The following ITFG1 variants were observed in gnomAD, a reference collection of about 807,000 sequenced individuals.
ITFG1 encodes integrin alpha FG-GAP repeat containing 1, also known as T-cell immunomodulatory protein.
ITFG1 carries 34 observed loss-of-function variants against 81.8 expected under a neutral mutation model. The observed-to-expected ratio is 0.42, with a 90% CI of 0.32 to 0.55. The LOEUF (loss-of-function observed/expected upper bound fraction) is 0.55, where lower values mean the gene tolerates loss of function less well. Ranked by LOEUF, ITFG1 falls within the 20% of genes least tolerant of loss-of-function variation. The probability of loss-of-function intolerance (pLI) is 0.17; values close to 1 mark genes in which losing one functional copy is unlikely to be tolerated. For missense variants in ITFG1, 672 were observed against 755.4 expected (o/e 0.89, Z 1.29); for synonymous variants, 285 against 270.6 (o/e 1.05, Z -0.52).
chr16:47,374,775 A>G (rs1018910297), intron 7 of ITFG1, among the ~76,000 whole-genome samples: 1 of 151,786 alleles, frequency 6.6e-6, no homozygotes, highest in Non-Finnish European at 1.5e-5. Context: ...TAAAAAAACA[A>G]AAAAAAAGAA....
chr16:47,269,486 T>TAA (rs76159288), intron 10 of ITFG1, among the ~76,000 whole-genome samples: 1,589 of 101,040 alleles, frequency 0.016, 55 homozygotes, highest in African/African-American at 0.059. Context: ...CTGTCTCTAT[T>TAA]AAAAAAAAAA....
In ITFG1 at chr16:47,193,049, C is replaced by T. The variant is rs374325041; in HGVS notation, c.1453+25819G>A. Among the ~76,000 whole-genome samples, 10 of 152,158 alleles carry T rather than the reference C, an allele frequency of 6.6e-5. No individual in the cohort carries two copies. The East Asian group carries it at 1.2e-3, about 18-fold the overall frequency. On this transcript the variant is annotated intron_variant, in intron 14 of 17. Coordinates refer to ENST00000320640, the MANE Select transcript of ITFG1 (RefSeq NM_030790.5). ...GGGGCAGTGGTCTGTCCCGTGTCTT[C>T]ATTCTTTGATGGATCTAAGAAGAGC...
chr16:47,300,420 A>G (rs895176066), intron 10 of ITFG1, among the ~76,000 whole-genome samples: 6 of 152,218 alleles, frequency 3.9e-5, no homozygotes. Flanking sequence ...AATGGCTGAG[A>G]GAAGGTCCAG....
At chr16:47,182,005 C>T (rs1265506086) in intron 14 of ITFG1, among the ~76,000 whole-genome samples, 1 of 152,006 alleles carries the variant, frequency 6.6e-6, no homozygotes, top group Non-Finnish European at 1.5e-5. Context: ...AGAGTCATCA[C>T]CACTCCCTAA....
intron 6 of ITFG1, among the ~76,000 whole-genome samples, chr16:47,396,461 T>C (rs1450581665): frequency 1.3e-5 from 2 of 151,236 alleles, no homozygotes; most frequent in Non-Finnish European, 2.9e-5. Context: ...AAGAACACAA[T>C]GAGGACTTGA....
At chr16:47,337,846 A>G (rs531019058) in intron 8 of ITFG1, among the ~76,000 whole-genome samples, 7 of 152,362 alleles carry the variant, frequency 4.6e-5, no homozygotes, top group African/African-American at 1.7e-4. Flanking sequence ...GAGTTTTCAC[A>G]TGGGCTGTTC....
chr16:47,436,545 G>GCT (rs1267225972), intron 5 of ITFG1, among the ~76,000 whole-genome samples: 1 of 152,080 alleles, frequency 6.6e-6, no homozygotes, highest in African/African-American at 2.4e-5. Context: ...ATGCATTCTT[G>GCT]CTAGAATGAG....
chr16:47,370,786 G>A (rs1340576077), intron 7 of ITFG1, among the ~76,000 whole-genome samples: 3 of 152,226 alleles, frequency 2.0e-5, no homozygotes, highest in African/African-American at 7.2e-5. Flanking sequence ...CTGCCGGGTC[G>A]AGAGGGCAGT....
rs377378072 is a variant in ITFG1 at position 47,316,547 on chromosome 16, C to T, written c.803-2724G>A. Among the ~76,000 whole-genome samples the T allele has an allele frequency of 2.8e-4, 42 of 152,312 alleles. 1 individual carries two copies. The East Asian group carries it at 6.9e-3, about 25-fold the overall frequency. ...ACAATGCATTTATCCAATGTGCTAT[C>T]TATATTTCAGTTTTGTCCACTGACC... On this transcript the variant is annotated intron_variant, in intron 8 of 17. Transcript: ENST00000320640.
At chr16:47,407,531 G>T (rs933411673) in intron 6 of ITFG1, among the ~76,000 whole-genome samples, 2 of 152,114 alleles carry the variant, frequency 1.3e-5, no homozygotes, top group African/African-American at 4.8e-5. Flanking sequence ...ATTTTTAGTA[G>T]AAATAGGGTT....
At chr16:47,283,011 T>C (rs551877378) in intron 10 of ITFG1, among the ~76,000 whole-genome samples, 195 of 152,256 alleles carry the variant, frequency 1.3e-3, no homozygotes, top group Non-Finnish European at 2.4e-3. Flanking sequence ...TTTGCAAATA[T>C]TTTCTCCCAT....
At chr16:47,354,132 A>G (rs1968006167) in intron 8 of ITFG1, among the ~76,000 whole-genome samples, 1 of 152,190 alleles carries the variant, frequency 6.6e-6, no homozygotes, top group Non-Finnish European at 1.5e-5. Flanking sequence ...GGGGGGCACC[A>G]TAATACCTTA....
At chr16:47,216,443 C>T (rs7189410) in intron 14 of ITFG1, among the ~76,000 whole-genome samples, 6,566 of 152,182 alleles carry the variant, frequency 0.043, 202 homozygotes, top group Middle Eastern at 0.092. Flanking sequence ...TCAGGTGATC[C>T]GCCCACCTTG....
chr16:47,367,931 T>C (rs1567476382), intron 7 of ITFG1, among the ~76,000 whole-genome samples: 1 of 152,184 alleles, frequency 6.6e-6, no homozygotes, highest in African/African-American at 2.4e-5. Context: ...CAAGTGCTTT[T>C]TCATTTTAGA....
chr16:47,356,211 G>A (rs541262391), intron 8 of ITFG1, among the ~76,000 whole-genome samples: 3 of 152,208 alleles, frequency 2.0e-5, no homozygotes, highest in African/African-American at 4.8e-5. Context: ...GTTCACCTCA[G>A]AAAGGTTTGG....
chr16:47,355,721 C>T (rs956510833), intron 8 of ITFG1, among the ~76,000 whole-genome samples: 5 of 152,020 alleles, frequency 3.3e-5, no homozygotes, highest in Non-Finnish European at 5.9e-5. Flanking sequence ...TTGTTTTATT[C>T]CAACAGAAAT....
At chr16:47,341,405 AAAAAAAAAAAAG>A (rs964799383) in intron 8 of ITFG1, among the ~76,000 whole-genome samples, 5 of 149,022 alleles carry the variant, frequency 3.4e-5, no homozygotes, top group Admixed American at 6.7e-5. Context: ...CCACTGAAAA[AAAAAAAAAAAAG>A]AAAAAAAAAA....
intron 14 of ITFG1, among the ~76,000 whole-genome samples, chr16:47,185,961 A>G (rs931424622): frequency 1.3e-5 from 2 of 152,266 alleles, no homozygotes; most frequent in Non-Finnish European, 2.9e-5. Context: ...ACAAACTACC[A>G]TCAGAGAATA....
chr16:47,219,322 A>C (rs969502285), intron 13 of ITFG1, among the ~76,000 whole-genome samples: 2 of 152,166 alleles, frequency 1.3e-5, no homozygotes, highest in Admixed American at 1.3e-4. Context: ...ATCAACATAA[A>C]TAAAATCCAT....
Sources: gnomAD v4.1 joint callset for allele counts (sites outside exome capture counted in the v4.1 genomes callset) on GRCh38, gnomAD v4.1.1 for gene constraint, MANE v1.5 for transcripts, NCBI Gene and HGNC (gene_info 2026-07-23, HGNC 2026-07-21) for gene names.